UBAC2: variants seen among roughly 807,000 people sequenced by gnomAD.
UBAC2 encodes the protein ubiquitin-associated domain-containing protein 2.
UBAC2 carries 26 observed loss-of-function variants against 44.0 expected under a neutral mutation model. The ratio of observed to expected loss-of-function variants is 0.59; its 90% confidence interval spans 0.43 to 0.82. The LOEUF is 0.82. UBAC2 is among the 40% of genes least tolerant of loss of function. The pLI is 0.00. For missense variants in UBAC2, 329 were observed against 419.4 expected (o/e 0.78, Z 1.88); for synonymous variants, 155 against 154.3 (o/e 1.00, Z -0.04).
In UBAC2 at chr13:99,248,917, CTCTT is replaced by C. The variant is rs1310437931; in HGVS notation, c.389+4298_389+4301del. On this transcript the variant is annotated intron_variant, in intron 4 of 8. Coordinates refer to ENST00000403766, the MANE Select transcript of UBAC2 (RefSeq NM_001144072.2). ...CTGGCCTCCTCTCTGTCTTCTTTCC[CTCTT>C]TCTTCTTATTTTAATTAGTAGCATC... Among the ~76,000 whole-genome samples the C allele has an allele frequency of 8.5e-5, 13 of 152,266 alleles. No homozygotes were observed. In the East Asian group the frequency reaches 2.5e-3, roughly 29 times the overall value.
At chr13:99,318,378 G>T (rs2044521817) in intron 6 of UBAC2, among the ~76,000 whole-genome samples, 1 of 151,522 alleles carries the variant, frequency 6.6e-6, no homozygotes, top group Non-Finnish European at 1.5e-5. Flanking sequence ...TGTTGGTCAG[G>T]CTGGTCTCAA....
At chr13:99,201,143 C>G (rs1329969486) in intron 1 of UBAC2, 1 of 1,367,176 alleles carries the variant, frequency 7.3e-7, no homozygotes, top group Non-Finnish European at 9.5e-7. Context: ...CGAATGGGGA[C>G]AAAGCCCCGC....
intron 2 of UBAC2, among the ~76,000 whole-genome samples, chr13:99,239,309 C>T (rs1357247083): frequency 6.6e-6 from 1 of 152,244 alleles, no homozygotes; most frequent in Non-Finnish European, 1.5e-5. Context: ...GATAGTGTAG[C>T]TTCTGTATTA....
chr13:99,332,086 G>C (rs898916045), intron 6 of UBAC2, among the ~76,000 whole-genome samples: 4 of 152,082 alleles, frequency 2.6e-5, no homozygotes, highest in Non-Finnish European at 5.9e-5. Flanking sequence ...CCCTAGGTTT[G>C]TCCTGTTGTC....
intron 8 of UBAC2, among the ~76,000 whole-genome samples, chr13:99,370,448 G>A (rs1278138560): frequency 2.6e-5 from 4 of 152,216 alleles, no homozygotes. Context: ...AAAGTTAAGA[G>A]TGTTGCCATC....
At chr13:99,286,550 C>A (rs941100566) in intron 4 of UBAC2, among the ~76,000 whole-genome samples, 1 of 151,926 alleles carries the variant, frequency 6.6e-6, no homozygotes, top group Non-Finnish European at 1.5e-5. Flanking sequence ...AGGTTTATTA[C>A]ATGGGTAAAT....
intron 4 of UBAC2, among the ~76,000 whole-genome samples, chr13:99,306,824 G>T (rs2044343931): frequency 6.6e-6 from 1 of 152,044 alleles, no homozygotes; most frequent in Non-Finnish European, 1.5e-5. Context: ...GGGTAAATTG[G>T]TAAAATGTTT....
chr13:99,345,177 T>C (rs555441671), intron 7 of UBAC2, among the ~76,000 whole-genome samples: 51 of 152,242 alleles, frequency 3.3e-4, no homozygotes, highest in Admixed American at 3.1e-3. Flanking sequence ...AGCCCTGTGA[T>C]TGACATGTGG....
intron 4 of UBAC2, among the ~76,000 whole-genome samples, chr13:99,283,482 G>A (rs774887226): frequency 8.6e-5 from 13 of 151,840 alleles, no homozygotes; most frequent in African/African-American, 2.7e-4. Flanking sequence ...ATTTTGTACC[G>A]TAGAGCCTTG....
intron 4 of UBAC2, among the ~76,000 whole-genome samples, chr13:99,302,635 A>G (rs1414450813): frequency 2.0e-5 from 3 of 152,226 alleles, no homozygotes; most frequent in Non-Finnish European, 4.4e-5. Flanking sequence ...CTAAACAGCC[A>G]TCATCTGAGG....
At chr13:99,211,500 G>A (rs1351761747) in intron 1 of UBAC2, among the ~76,000 whole-genome samples, 2 of 152,308 alleles carry the variant, frequency 1.3e-5, no homozygotes, top group Admixed American at 1.3e-4. Context: ...ATAAGTGTGA[G>A]TTATTATTGG....
intron 8 of UBAC2, chr13:99,372,735 A>G (rs1401658128): frequency 1.3e-5 from 2 of 152,430 alleles, no homozygotes; most frequent in African/African-American, 4.8e-5. Context: ...GTTTGTCAAC[A>G]ACAACAGCAA....
intron 1 of UBAC2, among the ~76,000 whole-genome samples, chr13:99,227,104 A>G (rs2043118557): frequency 6.6e-6 from 1 of 151,964 alleles, no homozygotes; most frequent in Non-Finnish European, 1.5e-5. Context: ...AGGCTGAGAC[A>G]GGAGAATCGC....
chr13:99,242,189 TC>T (rs1037794374), intron 2 of UBAC2, among the ~76,000 whole-genome samples: 1 of 151,758 alleles, frequency 6.6e-6, no homozygotes, highest in Admixed American at 6.6e-5. Flanking sequence ...TCCCCACCTT[TC>T]CCCCCCTTCT....
intron 6 of UBAC2, among the ~76,000 whole-genome samples, chr13:99,336,482 T>C (rs2044790067): frequency 6.6e-6 from 1 of 152,226 alleles, no homozygotes; most frequent in East Asian, 1.9e-4. Context: ...TGAGTTCTTA[T>C]TCCATTGCAA....
intron 4 of UBAC2, among the ~76,000 whole-genome samples, chr13:99,251,914 G>T (rs900203956): frequency 6.6e-6 from 1 of 152,106 alleles, no homozygotes; most frequent in Non-Finnish European, 1.5e-5. Flanking sequence ...AGGAGCAAGC[G>T]TATACCCCTT....
intron 1 of UBAC2, chr13:99,201,417 TTTC>T (rs781573978): frequency 2.3e-5 from 37 of 1,612,126 alleles, no homozygotes; most frequent in African/African-American, 6.7e-5. Flanking sequence ...CTTGGATGTG[TTTC>T]TTCTTCAGTC....
chr13:99,207,907 T>C (rs1432954260), intron 1 of UBAC2, among the ~76,000 whole-genome samples: 2 of 152,076 alleles, frequency 1.3e-5, no homozygotes, highest in Non-Finnish European at 2.9e-5. Flanking sequence ...GAGCAAACCG[T>C]GTTCCTACTG....
intron 4 of UBAC2, among the ~76,000 whole-genome samples, chr13:99,299,523 G>A (rs2044226465): frequency 6.6e-6 from 1 of 151,948 alleles, no homozygotes; most frequent in Admixed American, 6.6e-5. Context: ...AGTAATTTTG[G>A]GGCTTTACTC....
Sources: allele counts gnomAD v4.1 joint callset (sites outside exome capture counted in the v4.1 genomes callset), GRCh38; gene constraint gnomAD v4.1.1; transcripts MANE v1.5; gene names NCBI Gene and HGNC (gene_info 2026-07-23, HGNC 2026-07-21).